ANKS1B: variants seen among roughly 807,000 people sequenced by gnomAD.
ANKS1B encodes ankyrin repeat and sterile alpha motif domain-containing protein 1B.
In ANKS1B, 36 loss-of-function variants were observed where a neutral mutation model predicts 148.3. The observed-to-expected ratio is 0.24, with a 90% CI of 0.19 to 0.32. The LOEUF is 0.32. Among genes scored for constraint, ANKS1B ranks in the 10% least tolerant of loss-of-function variants. The probability of loss-of-function intolerance (pLI) is 1.00; values close to 1 mark genes in which losing one functional copy is unlikely to be tolerated. For missense variants in ANKS1B, 1,157 were observed against 1,542.6 expected (o/e 0.75, Z 4.19); for synonymous variants, 542 against 560.8 (o/e 0.97, Z 0.47).
chr12:99,784,404 C>G (rs1470003113), intron 4 of ANKS1B, among the ~76,000 whole-genome samples: 1 of 152,100 alleles, frequency 6.6e-6, no homozygotes, highest in African/African-American at 2.4e-5. Context: ...GATCTCCTGA[C>G]CTCATGATCC....
chr12:99,715,731 C>T (rs1241227361), intron 8 of ANKS1B, among the ~76,000 whole-genome samples: 3 of 152,172 alleles, frequency 2.0e-5, no homozygotes, highest in Non-Finnish European at 4.4e-5. Context: ...GAACATCTCA[C>T]CAATTTTAAA....
At chr12:99,288,113 T>C (rs1020825628) in intron 12 of ANKS1B, among the ~76,000 whole-genome samples, 1 of 152,108 alleles carries the variant, frequency 6.6e-6, no homozygotes, top group South Asian at 2.1e-4. Context: ...CTTTAAGTCT[T>C]TTAATAATCA....
chr12:98,792,178 T>C (rs2098876691), intron 22 of ANKS1B, among the ~76,000 whole-genome samples: 1 of 152,212 alleles, frequency 6.6e-6, no homozygotes, highest in African/African-American at 2.4e-5. Context: ...TTCCAAGACC[T>C]AAATACACTA....
At chr12:99,576,025 G>A (rs568105721) in intron 9 of ANKS1B, among the ~76,000 whole-genome samples, 6 of 152,054 alleles carry the variant, frequency 3.9e-5, no homozygotes, top group South Asian at 4.2e-4. Context: ...CAATGACACC[G>A]ATAGGCTCAA....
intron 17 of ANKS1B, among the ~76,000 whole-genome samples, chr12:98,955,766 T>G (rs1266465934): frequency 6.6e-6 from 1 of 152,112 alleles, no homozygotes; most frequent in East Asian, 1.9e-4. Context: ...AAGGCTGCGG[T>G]GGAGAAGTCT....
At chr12:99,766,515 T>A (rs1012850993) in intron 8 of ANKS1B, among the ~76,000 whole-genome samples, 1 of 152,146 alleles carries the variant, frequency 6.6e-6, no homozygotes, top group African/African-American at 2.4e-5. Context: ...GTACCTACAG[T>A]ACATACGTGT....
At chr12:99,669,502 T>C (rs2098526291) in intron 8 of ANKS1B, among the ~76,000 whole-genome samples, 2 of 152,166 alleles carry the variant, frequency 1.3e-5, no homozygotes, top group Non-Finnish European at 2.9e-5. Context: ...CTGTTAAGAC[T>C]TACGTTCCCT....
At chr12:99,632,332 G>A (rs989603707) in intron 9 of ANKS1B, among the ~76,000 whole-genome samples, 1 of 152,074 alleles carries the variant, frequency 6.6e-6, no homozygotes, top group African/African-American at 2.4e-5. Context: ...GCACAGACTT[G>A]TTACAGGAAA....
chr12:99,665,488 CTTTT>C (rs1271222513), intron 8 of ANKS1B, among the ~76,000 whole-genome samples: 2 of 144,394 alleles, frequency 1.4e-5, no homozygotes, highest in East Asian at 4.0e-4. Context: ...TGTTCGACTT[CTTTT>C]TTTTTTTTTA....
chr12:99,314,211 G>A (rs558894174), intron 12 of ANKS1B, among the ~76,000 whole-genome samples: 1 of 152,102 alleles, frequency 6.6e-6, no homozygotes, highest in Admixed American at 6.6e-5. Flanking sequence ...AGCTAACAAG[G>A]GATGTGAAGG....
At chr12:99,651,265 G>C (rs184210443) in intron 9 of ANKS1B, among the ~76,000 whole-genome samples, 114 of 152,246 alleles carry the variant, frequency 7.5e-4, no homozygotes, top group Non-Finnish European at 1.1e-3. Flanking sequence ...TCACAGGTTA[G>C]ATGTTCTAGC....
At chr12:99,399,519 G>T in intron 12 of ANKS1B, 112 bp downstream of exon 12, 1 of 1,118,364 alleles carries the variant, frequency 8.9e-7, no homozygotes. Flanking sequence ...CACACATGGA[G>T]GTGAACTAAA....
rs1419147606 is a variant in ANKS1B at position 99,504,493 on chromosome 12, G to A, written c.1421C>T (p.Ala474Val). The change falls in exon 10 of 27, where the codon GCA (alanine) becomes GTA (valine). Residue 474 changes from alanine (A) to valine (V), a missense_variant. Ala to Val is a moderately conservative substitution (Grantham distance 64). Around this residue, in one of 6 missense-constraint regions of ANKS1B, gnomAD observed 661 missense variants for 642.1 expected, o/e 1.03. Transcript: ENST00000683438. ...GATATTACCAGTTCTTGGGGAAGGT[G>A]CCCTTGCAATTTCTAAGGAGCAAGG... is the stretch of plus-strand genomic sequence containing the variant. Reference protein sequence around the residue: ...KKPCSLEIARAPSPRTDNASE... With the variant: ...KKPCSLEIARVPSPRTDNASE... 2 of 1,612,030 alleles carry A rather than the reference G, an allele frequency of 1.2e-6. No individual in the cohort carries two copies. Among genetic ancestry groups the A allele is most frequent in the South Asian group, 1.1e-5 (1 of 90,598 alleles).
At chr12:99,739,725 C>T (rs1355694100) in intron 8 of ANKS1B, among the ~76,000 whole-genome samples, 1 of 152,112 alleles carries the variant, frequency 6.6e-6, no homozygotes, top group Non-Finnish European at 1.5e-5. Context: ...CGTTCTGCTG[C>T]CACTTCTTTT....
intron 20 of ANKS1B, among the ~76,000 whole-genome samples, chr12:98,804,544 A>G (rs1472642961): frequency 6.6e-6 from 1 of 152,086 alleles, no homozygotes; most frequent in Admixed American, 6.5e-5. Flanking sequence ...TTAACATTAC[A>G]CTGTCGTAAA....
At chr12:99,069,146 G>C (rs891540449) in intron 16 of ANKS1B, among the ~76,000 whole-genome samples, 30 of 152,278 alleles carry the variant, frequency 2.0e-4, no homozygotes, top group African/African-American at 7.0e-4. Flanking sequence ...GAATGTCTGT[G>C]CATGGCCGTG....
chr12:99,777,397 C>T (rs2063756807), intron 6 of ANKS1B, among the ~76,000 whole-genome samples: 1 of 152,104 alleles, frequency 6.6e-6, no homozygotes, highest in Non-Finnish European at 1.5e-5. Flanking sequence ...TTAATCTTGA[C>T]CATTTAGGAG....
intron 1 of ANKS1B, among the ~76,000 whole-genome samples, chr12:99,934,004 T>C (rs2094692821): frequency 1.3e-5 from 2 of 152,104 alleles, no homozygotes; most frequent in East Asian, 1.9e-4. Flanking sequence ...ATCATATAGT[T>C]TTTCTCAGTA....
intron 9 of ANKS1B, among the ~76,000 whole-genome samples, chr12:99,555,349 A>G (rs1234744444): frequency 6.6e-6 from 1 of 152,114 alleles, no homozygotes; most frequent in Non-Finnish European, 1.5e-5. Flanking sequence ...GGTGGAGACT[A>G]TATGGTTTTC....
Sources: gnomAD v4.1 joint callset for allele counts (sites outside exome capture counted in the v4.1 genomes callset) on GRCh38, gnomAD v4.1.1 for gene constraint, gnomAD v4.1.1 regional missense constraint, MANE v1.5 for transcripts, NCBI Gene and HGNC (gene_info 2026-07-23, HGNC 2026-07-21) for gene names.